Variants in CACNA1B observed in about 807,000 individuals in gnomAD.
CACNA1B encodes the protein calcium voltage-gated channel subunit alpha1 B.
Under a neutral mutation model 247.2 loss-of-function variants are expected in CACNA1B, and 70 were observed. The observed-to-expected ratio is 0.28, with a 90% CI of 0.23 to 0.35. CACNA1B has a LOEUF of 0.35. Among genes scored for constraint, CACNA1B ranks in the 10% least tolerant of loss-of-function variants. The pLI is 1.00. For missense variants in CACNA1B, 2,367 were observed against 3,197.4 expected (o/e 0.74, Z 6.26); for synonymous variants, 1,231 against 1,294.4 (o/e 0.95, Z 1.05).
chr9:138,015,614 ATGCCGGGCTTGGTGCCC>A, intron 18 of CACNA1B, among the ~76,000 whole-genome samples: 2 of 152,348 alleles, frequency 1.3e-5, no homozygotes, highest in Non-Finnish European at 2.9e-5. Flanking sequence ...AGCGGGGCCA[ATGCCGGGCTTGGTGCCC>A]TGGGTGCTGG....
At chr9:138,021,318 C>T (rs1958842356) in intron 18 of CACNA1B, among the ~76,000 whole-genome samples, 1 of 152,228 alleles carries the variant, frequency 6.6e-6, no homozygotes, top group East Asian at 1.9e-4. Context: ...TGCCTGCCCC[C>T]ACCCCACCCA....
At chr9:138,090,701 CAAAAAAAAA>C (rs1173964720) in intron 36 of CACNA1B, among the ~76,000 whole-genome samples, 5,622 of 16,122 alleles carry the variant, frequency 0.35, 175 homozygotes, top group Non-Finnish European at 0.4. Flanking sequence ...AACCCATCAG[CAAAAAAAAA>C]AAAAAAAAAA....
chr9:138,096,370 C>CA, intron 36 of CACNA1B, 114 bp from the exon 37 acceptor site: 1 of 847,286 alleles, frequency 1.2e-6, no homozygotes, highest in South Asian at 1.6e-5. Flanking sequence ...CTGGTCAAAT[C>CA]AGAGTGACCC....
chr9:138,095,757 G>A (rs1440414559), intron 36 of CACNA1B, among the ~76,000 whole-genome samples: 1 of 152,190 alleles, frequency 6.6e-6, no homozygotes, highest in South Asian at 2.1e-4. Flanking sequence ...ATTACCACTG[G>A]AATGTTATTC....
chr9:138,111,965 C>A (rs1340051633), intron 39 of CACNA1B, among the ~76,000 whole-genome samples: 1 of 150,300 alleles, frequency 6.7e-6, no homozygotes, highest in African/African-American at 2.4e-5. Flanking sequence ...CTTATTACTG[C>A]TTTATTGGTA....
chr9:138,109,150 A>G (rs748997782), intron 39 of CACNA1B, among the ~76,000 whole-genome samples: 1 of 152,238 alleles, frequency 6.6e-6, no homozygotes, highest in East Asian at 1.9e-4. Context: ...TAAAGTAGGA[A>G]TTAAGGAAAG....
At chr9:138,045,515 G>T (rs542883362) in intron 21 of CACNA1B, among the ~76,000 whole-genome samples, 1 of 152,316 alleles carries the variant, frequency 6.6e-6, no homozygotes, top group South Asian at 2.1e-4. Flanking sequence ...AGGAGACATC[G>T]AGGATGTCTG....
chr9:137,941,146 T>C (rs1752348173), intron 6 of CACNA1B, among the ~76,000 whole-genome samples: 2 of 152,162 alleles, frequency 1.3e-5, no homozygotes, highest in African/African-American at 2.4e-5. Flanking sequence ...TTGCTGATGA[T>C]ATGATTGTTT....
chr9:138,105,752 C>A lies in CACNA1B; in HGVS notation c.5373C>A (p.Phe1791Leu). The change falls in exon 39 of 47, where the codon TTC becomes TTA. Residue 1791 changes from phenylalanine (F) to leucine (L), a missense_variant. Transcript: ENST00000371372. ...CCAACGAGGACATGACTGTTCACTT[C>A]ACGTCCACGCTGATGGCCCTCATCC... is the stretch of plus-strand genomic sequence containing the variant. ...PISNEDMTVHFTSTLMALIRT... is the reference protein window; with the variant it reads ...PISNEDMTVHLTSTLMALIRT... 6.4e-7 allele frequency: 1 copy of A among 1,567,956 alleles called. No individual in the cohort carries two copies.
chr9:137,932,136 A>G (rs781402870), intron 6 of CACNA1B, among the ~76,000 whole-genome samples: 2 of 152,188 alleles, frequency 1.3e-5, no homozygotes, highest in Non-Finnish European at 2.9e-5. Flanking sequence ...CTGATTTTGT[A>G]TGGCGACGAT....
chr9:138,102,650 G>A lies in CACNA1B; in HGVS notation c.5223-61G>A. The A allele has an allele frequency of 1.1e-6, 1 of 883,076 alleles. No individual in the cohort carries two copies. Among genetic ancestry groups the A allele is most frequent in the South Asian group, 1.6e-5 (1 of 60,892 alleles). The allele number at this position is 883,076 out of a possible 1,614,324, so 54.7% of individuals were successfully genotyped here. On this transcript the variant is annotated intron_variant, in intron 37 of 46. Coordinates refer to ENST00000371372, the MANE Select transcript of CACNA1B (RefSeq NM_000718.4). This position sits in a 1 kb window ranked among gnomAD's most constrained non-coding sequence, Gnocchi z 5.4. The stretch of plus-strand genomic sequence containing the variant: ...CCGCTCCCCTCCCCGCTCCCCTCCT[G>A]CTGCCGCTCCTCCTGTGGACCACCC...
chr9:138,115,623 A>G lies in CACNA1B; in HGVS notation c.5721A>G (p.Gly1907=), dbSNP rs914472032. ...LEQTQPAVLR[G]ARVFLRQKSS... ...AGACACAGCCGGCTGTGCTCCGAGG[A>G]GCCCGGGTTTTCCTTCGACAGAAGA... The change falls in exon 42 of 47, where the codon GGA becomes GGG. Residue 1907 remains glycine, a synonymous_variant. Coordinates refer to ENST00000371372, the MANE Select transcript of CACNA1B (RefSeq NM_000718.4). 6.2e-7 allele frequency: 1 copy of G among 1,613,202 alleles called. No individual in the cohort carries two copies. Among genetic ancestry groups the G allele is most frequent in the Non-Finnish European group, 8.5e-7 (1 of 1,179,490 alleles).
intron 31 of CACNA1B, among the ~76,000 whole-genome samples, chr9:138,063,787 A>G (rs1225959029): frequency 6.6e-6 from 1 of 152,210 alleles, no homozygotes. Context: ...CACAGTCCAT[A>G]CTGGTGAATT....
chr9:137,932,012 G>A (rs1957613547), intron 6 of CACNA1B, among the ~76,000 whole-genome samples: 1 of 152,122 alleles, frequency 6.6e-6, no homozygotes, highest in Non-Finnish European at 1.5e-5. Flanking sequence ...ATCCTGATTA[G>A]TTGACATAAA....
At chr9:137,906,995 C>T (rs1427678358) in intron 3 of CACNA1B, among the ~76,000 whole-genome samples, 1 of 152,218 alleles carries the variant, frequency 6.6e-6, no homozygotes, top group Non-Finnish European at 1.5e-5. Flanking sequence ...GTCAGATTCT[C>T]TTCTCTTTCT....
rs928985388 is a variant in CACNA1B at position 138,046,926 on chromosome 9, A to G, written c.3436A>G (p.Ile1146Val). ...CAGGCTCCGCCGCTTCTGCCACTAC[A>G]TCGTGACCATGAGGTACTTCGAGGT... Reference protein sequence around the residue: ...TNLLRRFCHYIVTMRYFEVVI... With the variant: ...TNLLRRFCHYVVTMRYFEVVI... The change falls in exon 22 of 47, where the codon ATC (isoleucine) becomes GTC (valine). Residue 1146 changes from isoleucine to valine, a missense_variant. Ile to Val is a conservative substitution (Grantham distance 29). Coordinates refer to ENST00000371372, the MANE Select transcript of CACNA1B (RefSeq NM_000718.4). 3.1e-6 allele frequency: 5 copies of G among 1,613,366 alleles called. No homozygotes were observed. The highest frequency in any genetic ancestry group is 3.3e-5 in the Admixed American group (2 of 59,996).
In CACNA1B at chr9:137,955,601, C is replaced by A; in HGVS notation, c.1071-97C>A. ...AGCAGCAGCCTGCAGCCTGCGTCTC[C>A]TGTCCCAGGCTTTCCCTGGTCCTTT... On this transcript the variant is annotated intron_variant, in intron 7 of 46. Transcript: ENST00000371372. The surrounding 1 kb of genome is among the most constrained non-coding windows in gnomAD (Gnocchi z 6.9). 2.5e-6 allele frequency: 2 copies of A among 803,348 alleles called. No individual in the cohort carries two copies. The highest frequency in any genetic ancestry group is 4.0e-6 in the Non-Finnish European group (2 of 495,730). The allele number at this position is 803,348 out of a possible 1,614,324, so 49.8% of individuals were successfully genotyped here.
intron 43 of CACNA1B, 127 bp from the exon 44 acceptor site, chr9:138,118,525 T>C (rs1354907745): frequency 3.5e-6 from 2 of 579,414 alleles, no homozygotes; most frequent in Non-Finnish European, 6.2e-6. Flanking sequence ...TGAACAGCAG[T>C]GGGAGTTAGG....
At chr9:137,958,274 T>G (rs1957972563) in intron 10 of CACNA1B, among the ~76,000 whole-genome samples, 1 of 152,226 alleles carries the variant, frequency 6.6e-6, no homozygotes, top group Admixed American at 6.5e-5. Context: ...GGACCTTTTC[T>G]GTCCTCACTC....
Sources: allele counts gnomAD v4.1 joint callset (sites outside exome capture counted in the v4.1 genomes callset), GRCh38; gene constraint gnomAD v4.1.1; non-coding constraint Gnocchi (gnomAD v3.1); transcripts MANE v1.5; gene names NCBI Gene and HGNC (gene_info 2026-07-23, HGNC 2026-07-21).